HNRNPA0: variants seen among roughly 807,000 people sequenced by gnomAD.
The protein encoded by HNRNPA0 is hnRNA binding protein.
For missense variants in HNRNPA0, 252 were observed against 433.7 expected (o/e 0.58, Z 3.72); for synonymous variants, 243 against 195.5 (o/e 1.24, Z -2.03).
chr5:137,753,965 C>T lies in HNRNPA0; in HGVS notation c.102G>A (p.Thr34=). ...GGGGATTCACCACCACCACGCAGTCCGTCAGAGTCCCAAAGGCCTCAAAGT... is the reference window on the plus strand; with the variant it reads ...GGGGATTCACCACCACCACGCAGTCTGTCAGAGTCCCAAAGGCCTCAAAGT... ...RGHFEAFGTL[T]DCVVVVNPQT... The change falls in exon 1 of 1, where the codon ACG becomes ACA. Residue 34 remains threonine (T), a synonymous_variant. Transcript: ENST00000314940. This position sits in a 1 kb window ranked among gnomAD's most constrained non-coding sequence, Gnocchi z 6.1. 6.2e-7 allele frequency: 1 copy of T among 1,614,162 alleles called. No individual in the cohort carries two copies.
In HNRNPA0 at chr5:137,751,205, T is replaced by C. The variant is rs188019048; in HGVS notation, c.*1944A>G. ...GTTTGTCATAGAGGATATAACACTA[T>C]TTGTACCAACCATCCGCTACCCTTT... On this transcript the variant is annotated 3_prime_UTR_variant, in exon 1 of 1. Coordinates refer to ENST00000314940, the MANE Select transcript of HNRNPA0 (RefSeq NM_006805.4). 7.9e-5 allele frequency: 12 copies of C among 152,064 alleles called. No individual in the cohort carries two copies. Among genetic ancestry groups the C allele is most frequent in the African/African-American group, 2.9e-4 (12 of 41,486 alleles). The allele number at this position is 152,064 out of a possible 1,614,324, so 9.4% of individuals were successfully genotyped here.
Position 137,753,216 on chromosome 5 carries a change from C to T in HNRNPA0, c.851G>A (p.Arg284His). 6.2e-7 allele frequency: 1 copy of T among 1,613,446 alleles called. No homozygotes were observed. The highest frequency in any genetic ancestry group is 8.5e-7 in the Non-Finnish European group (1 of 1,179,928). Residue 284 changes from arginine (R) to histidine (H), a missense_variant, in exon 1 of 1, where the codon CGC (arginine) becomes CAC (histidine). Physicochemically the swap from Arg to His is conservative, Grantham distance 29 (BLOSUM62 0). Transcript: ENST00000314940. The surrounding 1 kb of genome is among the most constrained non-coding windows in gnomAD (Gnocchi z 6.1). ...GGGGGSSWGG[R>H]SNSGPYRGGY... ...GCCTCTGTAAGGTCCACTATTACTG[C>T]GACCGCCCCAGCTACTGCCTCCACC... is the stretch of plus-strand genomic sequence containing the variant.
rs1753436819 is a variant in HNRNPA0, at chr5:137,747,963, T to G, written c.*5186A>C. On this transcript the variant is annotated 3_prime_UTR_variant, in exon 1 of 1. Transcript: ENST00000314940. ...CGAAACAACTAGAATTGGTCAAACT[T>G]GGATTCAACTCTCAGTTCTACCATG... is the stretch of plus-strand genomic sequence containing the variant. The G allele has an allele frequency of 6.6e-6, 1 of 152,190 alleles. No homozygotes were observed. The highest frequency in any genetic ancestry group is 2.4e-5 in the African/African-American group (1 of 41,454). 9.4% of individuals were successfully genotyped at this position (152,190 alleles called of 1,614,324 possible).
Position 137,753,377 on chromosome 5 carries a change from G to T in HNRNPA0, c.690C>A (p.Gly230=). ...CGCCGCCGCCTCCGTAGGCATTGTA[G>T]CCGCCGCCTCCGCCGCCGCCGTAAC... ...YGGYGGGGGG[G]YNAYGGGGGG... is the part of the protein sequence containing the mutation. Residue 230 remains glycine (G), a synonymous_variant, in exon 1 of 1, where the codon GGC becomes GGA. Coordinates refer to ENST00000314940, the MANE Select transcript of HNRNPA0 (RefSeq NM_006805.4). This position sits in a 1 kb window ranked among gnomAD's most constrained non-coding sequence, Gnocchi z 6.1. 6.5e-7 allele frequency: 1 copy of T among 1,546,774 alleles called. No individual in the cohort carries two copies. The highest frequency in any genetic ancestry group is 1.2e-5 in the South Asian group (1 of 84,284).
rs1753560235 is a variant in HNRNPA0 at position 137,754,187 on chromosome 5, G to C, written c.-121C>G. ...AGCCGTTGCTGGAGCCACCCCCGCC[G>C]CTCACCGACGGGGAAGGGAAAAAGG... On this transcript the variant is annotated 5_prime_UTR_variant, in exon 1 of 1. Coordinates refer to ENST00000314940, the MANE Select transcript of HNRNPA0 (RefSeq NM_006805.4). 6.9e-6 allele frequency: 9 copies of C among 1,308,084 alleles called. No individual in the cohort carries two copies. The highest frequency in any genetic ancestry group is 1.5e-5 in the African/African-American group (1 of 66,962). 81.0% of individuals were successfully genotyped at this position (1,308,084 alleles called of 1,614,324 possible).
chr5:137,750,815 T>C lies in HNRNPA0; in HGVS notation c.*2334A>G, dbSNP rs1376395853. On this transcript the variant is annotated 3_prime_UTR_variant, in exon 1 of 1. Coordinates refer to ENST00000314940, the MANE Select transcript of HNRNPA0 (RefSeq NM_006805.4). ...ACAGAAAATCCTTTTACATAATTCA[T>C]TTGCAAACTTTAGAAGCCACTATAT... 6.6e-6 allele frequency: 1 copy of C among 152,172 alleles called. No individual in the cohort carries two copies. The highest frequency in any genetic ancestry group is 1.5e-5 in the Non-Finnish European group (1 of 68,020). The allele number at this position is 152,172 out of a possible 1,614,324, so 9.4% of individuals were successfully genotyped here. A position where few individuals can be genotyped will look rare whatever the true frequency, so the allele number is the denominator to read the frequency against.
Position 137,753,221 on chromosome 5 carries a change from G to A in HNRNPA0, c.846C>T (p.Gly282=), listed in dbSNP as rs748083405. The A allele has an allele frequency of 3.1e-5, 50 of 1,612,652 alleles. No individual in the cohort carries two copies. The highest frequency in any genetic ancestry group is 8.8e-5 in the South Asian group (8 of 91,038). Reference sequence around the variant, plus strand: ...TGTAAGGTCCACTATTACTGCGACCGCCCCAGCTACTGCCTCCACCGCCGC... The same window carrying A: ...TGTAAGGTCCACTATTACTGCGACCACCCCAGCTACTGCCTCCACCGCCGC... ...GGGGGGGSSW[G]GRSNSGPYRG... Residue 282 remains glycine, a synonymous_variant, in exon 1 of 1, where the codon GGC becomes GGT. Coordinates refer to ENST00000314940, the MANE Select transcript of HNRNPA0 (RefSeq NM_006805.4). The surrounding 1 kb of genome is among the most constrained non-coding windows in gnomAD (Gnocchi z 6.1).
chr5:137,752,112 G>GAAAAAAAA lies in HNRNPA0; in HGVS notation c.*1029_*1036dup, dbSNP rs56007433. The GAAAAAAAA allele has an allele frequency of 2.1e-5, 2 of 96,806 alleles. No homozygotes were observed. Among genetic ancestry groups the GAAAAAAAA allele is most frequent in the Non-Finnish European group, 2.2e-5 (1 of 45,190 alleles). 6.0% of individuals were successfully genotyped at this position (96,806 alleles called of 1,614,324 possible). ...CATGAGGCCAACAGTTCGGATATAG[G>GAAAAAAAA]AAAAAAAAAAAAAAAACGTTTAAAC... On this transcript the variant is annotated 3_prime_UTR_variant, in exon 1 of 1. Transcript: ENST00000314940.
In HNRNPA0 at chr5:137,750,562, A is replaced by G. The variant is rs1455881627; in HGVS notation, c.*2587T>C. 1 of 152,168 alleles carries G rather than the reference A, an allele frequency of 6.6e-6. No individual in the cohort carries two copies. Among genetic ancestry groups the G allele is most frequent in the Non-Finnish European group, 1.5e-5 (1 of 68,010 alleles). 9.4% of individuals were successfully genotyped at this position (152,168 alleles called of 1,614,324 possible). A position where few individuals can be genotyped will look rare whatever the true frequency, so the allele number is the denominator to read the frequency against. On this transcript the variant is annotated 3_prime_UTR_variant, in exon 1 of 1. Transcript: ENST00000314940. ...TCCCATGAACTCTTAAATCTGAATA[A>G]TGTTCAGATAATTTTCATAGGTGGA...
In HNRNPA0 at chr5:137,750,597, AACAT is replaced by A. The variant is rs1392901696; in HGVS notation, c.*2548_*2551del. ...AATTTTCATAGGTGGAAGTGGTCAAAACATACAACCAATTGTCCCTCCTCCCCAA... is the reference window on the plus strand; with the variant it reads ...AATTTTCATAGGTGGAAGTGGTCAAAACAACCAATTGTCCCTCCTCCCCAA... On this transcript the variant is annotated 3_prime_UTR_variant, in exon 1 of 1. Coordinates refer to ENST00000314940, the MANE Select transcript of HNRNPA0 (RefSeq NM_006805.4). 1.3e-5 allele frequency: 2 copies of A among 152,148 alleles called. No individual in the cohort carries two copies. The highest frequency in any genetic ancestry group is 1.5e-5 in the Non-Finnish European group (1 of 68,000). 9.4% of individuals were successfully genotyped at this position (152,148 alleles called of 1,614,324 possible).
In HNRNPA0 at chr5:137,751,082, A is replaced by G. The variant is rs979465619; in HGVS notation, c.*2067T>C. On this transcript the variant is annotated 3_prime_UTR_variant, in exon 1 of 1. Coordinates refer to ENST00000314940, the MANE Select transcript of HNRNPA0 (RefSeq NM_006805.4). ...CCACATGTAATTTGTGTATCACTAG[A>G]ATTAAAAAATAAGACAGAAATGTAT... The G allele has an allele frequency of 1.3e-5, 2 of 152,198 alleles. No individual in the cohort carries two copies. The highest frequency in any genetic ancestry group is 3.8e-4 in the East Asian group (2 of 5,198). 9.4% of individuals were successfully genotyped at this position (152,198 alleles called of 1,614,324 possible).
At position 137,750,260 on chromosome 5, in the gene HNRNPA0, T is replaced by A. The variant is rs747527139; in HGVS notation, c.*2889A>T. Reference sequence around the variant, plus strand: ...AGAGCTGCTCAGCTGGTAAACATAATGGAAATATTCAAAAATTGAAAAAAA... The same window carrying A: ...AGAGCTGCTCAGCTGGTAAACATAAAGGAAATATTCAAAAATTGAAAAAAA... On this transcript the variant is annotated 3_prime_UTR_variant, in exon 1 of 1. Transcript: ENST00000314940. The A allele has an allele frequency of 3.3e-5, 5 of 152,132 alleles. No individual in the cohort carries two copies. The highest frequency in any genetic ancestry group is 9.7e-5 in the African/African-American group (4 of 41,430). 9.4% of individuals were successfully genotyped at this position (152,132 alleles called of 1,614,324 possible).
rs1191789072 is a variant in HNRNPA0 at position 137,749,685 on chromosome 5, T to C, written c.*3464A>G. The C allele has an allele frequency of 6.6e-6, 1 of 152,196 alleles. No individual in the cohort carries two copies. Among genetic ancestry groups the C allele is most frequent in the African/African-American group, 2.4e-5 (1 of 41,460 alleles). The allele number at this position is 152,196 out of a possible 1,614,324, so 9.4% of individuals were successfully genotyped here. On this transcript the variant is annotated 3_prime_UTR_variant, in exon 1 of 1. Coordinates refer to ENST00000314940, the MANE Select transcript of HNRNPA0 (RefSeq NM_006805.4). ...ACTTAGCCTAAGTGCAAGTGCTGTC[T>C]TTTTGGGTAAAATCCGTGTAGTCTA... is the stretch of plus-strand genomic sequence containing the variant.
Position 137,748,100 on chromosome 5 carries a change from T to C in HNRNPA0, c.*5049A>G, listed in dbSNP as rs183138980. 6.6e-6 allele frequency: 1 copy of C among 152,328 alleles called. No homozygotes were observed. The highest frequency in any genetic ancestry group is 1.9e-4 in the East Asian group (1 of 5,188). The allele number at this position is 152,328 out of a possible 1,614,324, so 9.4% of individuals were successfully genotyped here. A position where few individuals can be genotyped will look rare whatever the true frequency, so the allele number is the denominator to read the frequency against. On this transcript the variant is annotated 3_prime_UTR_variant, in exon 1 of 1. Transcript: ENST00000314940. ...AACATTTGTAAATGTACCTAGTGTT[T>C]GGCATCCAATATGCATACTTCTCCA...
rs1257619243 is a variant in HNRNPA0, at chr5:137,753,533, A to C, written c.534T>G (p.Asp178Glu). The change falls in exon 1 of 1, where the codon GAT becomes GAG. Residue 178 changes from aspartate to glutamate, a missense_variant. Physicochemically the swap from Asp to Glu is conservative, Grantham distance 45. Transcript: ENST00000314940. This position sits in a 1 kb window ranked among gnomAD's most constrained non-coding sequence, Gnocchi z 6.1. Reference protein sequence around the residue: ...VEVKKAVPKEDIYSGGGGGGS... With the variant: ...VEVKKAVPKEEIYSGGGGGGS... Reference sequence around the variant, plus strand: ...CGCCTCCACCCCCACCGGAGTAGATATCCTCCTTGGGGACTGCTTTCTTCA... The same window carrying C: ...CGCCTCCACCCCCACCGGAGTAGATCTCCTCCTTGGGGACTGCTTTCTTCA... The C allele has an allele frequency of 6.2e-7, 1 of 1,611,662 alleles. No homozygotes were observed. The highest frequency in any genetic ancestry group is 8.5e-7 in the Non-Finnish European group (1 of 1,178,698).
In HNRNPA0 at chr5:137,753,084, G is replaced by C; in HGVS notation, c.*65C>G. 6.7e-7 allele frequency: 1 copy of C among 1,501,186 alleles called. No homozygotes were observed. The allele number at this position is 1,501,186 out of a possible 1,614,324, so 93.0% of individuals were successfully genotyped here. On this transcript the variant is annotated 3_prime_UTR_variant, in exon 1 of 1. Coordinates refer to ENST00000314940, the MANE Select transcript of HNRNPA0 (RefSeq NM_006805.4). The surrounding 1 kb of genome is among the most constrained non-coding windows in gnomAD (Gnocchi z 6.1). ...TGTGAGGGGGTGGGGCTTAGGAGTT[G>C]ACCCCACTTGGGCTGTTGGAAAGAG...
At position 137,753,522 on chromosome 5, in the gene HNRNPA0, C is replaced by A; in HGVS notation, c.545G>T (p.Gly182Val). 2 of 1,609,040 alleles carry A rather than the reference C, an allele frequency of 1.2e-6. No individual in the cohort carries two copies. The highest frequency in any genetic ancestry group is 1.1e-5 in the South Asian group (1 of 90,520). ...KAVPKEDIYS[G>V]GGGGGSRSSR... ...GGATCGGGAGCCGCCTCCACCCCCA[C>A]CGGAGTAGATATCCTCCTTGGGGAC... is the stretch of plus-strand genomic sequence containing the variant. The change falls in exon 1 of 1, where the codon GGT becomes GTT. Residue 182 changes from glycine to valine, a missense_variant. Physicochemically the swap from Gly to Val is moderately radical, Grantham distance 109. Transcript: ENST00000314940. The surrounding 1 kb of genome is among the most constrained non-coding windows in gnomAD (Gnocchi z 6.1).
rs372879837 is a variant in HNRNPA0, at chr5:137,753,869, G to C, written c.198C>G (p.Ala66=). ...TGCCGTCCACGGCATGGGGCGAGGC[G>C]GCCATGGCGGCGTCCGCCTCCTCCA... ...SNVEEADAAM[A]ASPHAVDGNT... The change falls in exon 1 of 1, where the codon GCC becomes GCG. Residue 66 remains alanine (A), a synonymous_variant. Coordinates refer to ENST00000314940, the MANE Select transcript of HNRNPA0 (RefSeq NM_006805.4). This position sits in a 1 kb window ranked among gnomAD's most constrained non-coding sequence, Gnocchi z 6.1. 2 of 1,613,338 alleles carry C rather than the reference G, an allele frequency of 1.2e-6. No individual in the cohort carries two copies. The highest frequency in any genetic ancestry group is 1.7e-6 in the Non-Finnish European group (2 of 1,180,020).
rs1342555358 is a variant in HNRNPA0, at chr5:137,753,358, C to A, written c.709G>T (p.Gly237Cys). 1.3e-6 allele frequency: 2 copies of A among 1,549,878 alleles called. No homozygotes were observed. Among genetic ancestry groups the A allele is most frequent in the African/African-American group, 2.7e-5 (2 of 72,874 alleles). ...CCACCGTAGGACGAACCGCCGCCGC[C>A]GCCTCCGTAGGCATTGTAGCCGCCG... ...GGGGYNAYGG[G>C]GGGSSYGGSD... Residue 237 changes from glycine to cysteine, a missense_variant, in exon 1 of 1, where the codon GGC becomes TGC. Physicochemically the swap from Gly to Cys is radical, Grantham distance 159. Coordinates refer to ENST00000314940, the MANE Select transcript of HNRNPA0 (RefSeq NM_006805.4). This position sits in a 1 kb window ranked among gnomAD's most constrained non-coding sequence, Gnocchi z 6.1.
Sources: allele counts gnomAD v4.1 joint callset, GRCh38; gene constraint gnomAD v4.1.1; non-coding constraint Gnocchi (gnomAD v3.1); transcripts MANE v1.5; gene names NCBI Gene and HGNC (gene_info 2026-07-23, HGNC 2026-07-21).